Variants in ZNF385D observed in about 807,000 individuals in gnomAD.
ZNF385D encodes the protein zinc finger protein 659.
In ZNF385D, 15 loss-of-function variants were observed where a neutral mutation model predicts 35.8. The ratio of observed to expected loss-of-function variants is 0.42; its 90% CI spans 0.28 to 0.64. The LOEUF is 0.64. Ranked by LOEUF, ZNF385D falls within the 30% of genes least tolerant of loss-of-function variation. The pLI, the probability that ZNF385D is intolerant of heterozygous loss-of-function variation, is 0.23. For missense variants in ZNF385D, 474 were observed against 494.6 expected (o/e 0.96, Z 0.39); for synonymous variants, 212 against 186.8 (o/e 1.13, Z -1.10).
intron 3 of ZNF385D, among the ~76,000 whole-genome samples, chr3:22,153,464 C>CTT (rs769926281): frequency 0.06 from 6,528 of 109,362 alleles, 227 homozygotes; most frequent in Non-Finnish European, 0.081. Flanking sequence ...TGAAATTCTT[C>CTT]TTTTTTTTTT....
chr3:22,000,830 G>T (rs185177282), intron 3 of ZNF385D, among the ~76,000 whole-genome samples: 23 of 150,608 alleles, frequency 1.5e-4, no homozygotes, highest in African/African-American at 5.3e-4. Flanking sequence ...TTAAAAATGA[G>T]TCTTTCCCAG....
intron 2 of ZNF385D, among the ~76,000 whole-genome samples, chr3:22,263,969 A>C (rs1372187111): frequency 1.3e-5 from 2 of 152,016 alleles, no homozygotes; most frequent in Admixed American, 6.6e-5. Flanking sequence ...GAATATTCCT[A>C]AACAGAAATC....
chr3:21,964,297 T>C (rs981269192), intron 3 of ZNF385D, among the ~76,000 whole-genome samples: 2 of 149,668 alleles, frequency 1.3e-5, no homozygotes, highest in South Asian at 2.1e-4. Flanking sequence ...TGAAAAACTA[T>C]AGATATTTTT....
chr3:21,750,576 C>A (rs956366369), intron 1 of ZNF385D, among the ~76,000 whole-genome samples: 2 of 152,168 alleles, frequency 1.3e-5, no homozygotes, highest in Non-Finnish European at 2.9e-5. Flanking sequence ...TGACTTCCCA[C>A]GCTGCACTAT....
At chr3:21,492,394 A>T (rs942720789) in intron 4 of ZNF385D, among the ~76,000 whole-genome samples, 1 of 151,862 alleles carries the variant, frequency 6.6e-6, no homozygotes, top group South Asian at 2.1e-4. Context: ...ATAAACAAAC[A>T]AAAACAAACA....
chr3:21,504,833 A>G (rs1379989674), intron 4 of ZNF385D, among the ~76,000 whole-genome samples: 1 of 152,174 alleles, frequency 6.6e-6, no homozygotes, highest in Non-Finnish European at 1.5e-5. Flanking sequence ...GCACAGAGGT[A>G]CATTAAAGAT....
chr3:21,728,886 C>T (rs531552110), intron 1 of ZNF385D, among the ~76,000 whole-genome samples: 64 of 152,144 alleles, frequency 4.2e-4, no homozygotes, highest in Non-Finnish European at 5.3e-4. Context: ...TAATAACTGG[C>T]GCTTCCTAAG....
At chr3:22,348,485 T>TAAAAAAAAAAAAAAAAAAAA (rs1168729541) in intron 2 of ZNF385D, among the ~76,000 whole-genome samples, 17 of 84,872 alleles carry the variant, frequency 2.0e-4, no homozygotes, top group East Asian at 1.4e-3. Flanking sequence ...CCATCTCTAC[T>TAAAAAAAAAAAAAAAAAAAA]AAAAAAAAAA....
At chr3:21,424,125 A>G in intron 6 of ZNF385D, 61 bp from the exon 7 acceptor site, 1 of 1,428,770 alleles carries the variant, frequency 7.0e-7, no homozygotes, top group Non-Finnish European at 9.5e-7. Flanking sequence ...CCTCTCACAA[A>G]TATTGCTTTA....
chr3:22,134,749 G>T (rs1316710637), intron 3 of ZNF385D, among the ~76,000 whole-genome samples: 1 of 152,108 alleles, frequency 6.6e-6, no homozygotes, highest in Non-Finnish European at 1.5e-5. Flanking sequence ...TCCATAGCTG[G>T]CAAGGGCCTC....
At chr3:21,814,628 G>A (rs2073070336) in intron 3 of ZNF385D, among the ~76,000 whole-genome samples, 2 of 152,154 alleles carry the variant, frequency 1.3e-5, no homozygotes, top group Non-Finnish European at 2.9e-5. Flanking sequence ...AACAAGAAGA[G>A]CTAACTATCC....
chr3:21,845,280 GA>G (rs1695934912), intron 3 of ZNF385D, among the ~76,000 whole-genome samples: 1 of 151,904 alleles, frequency 6.6e-6, no homozygotes, highest in Non-Finnish European at 1.5e-5. Flanking sequence ...TTGCCTGGAG[GA>G]AACTGCATAA....
intron 2 of ZNF385D, among the ~76,000 whole-genome samples, chr3:21,615,928 AC>A (rs1321911746): frequency 1.3e-5 from 2 of 152,080 alleles, no homozygotes; most frequent in Non-Finnish European, 2.9e-5. Context: ...GGTTTTATTT[AC>A]CTAGGATGGG....
chr3:21,589,189 A>T (rs2063899075), intron 2 of ZNF385D, among the ~76,000 whole-genome samples: 1 of 152,190 alleles, frequency 6.6e-6, no homozygotes, highest in Non-Finnish European at 1.5e-5. Context: ...CACTGAAAAA[A>T]ATGACTTTAG....
At chr3:21,964,418 AAAAAAAAAAAAAAAG>A (rs1422848133) in intron 3 of ZNF385D, among the ~76,000 whole-genome samples, 10 of 96,754 alleles carry the variant, frequency 1.0e-4, no homozygotes, top group South Asian at 7.8e-4. Flanking sequence ...TTTGTAAAAA[AAAAAAAAAAAAAAAG>A]AAAAAAAAAA....
chr3:21,914,476 T>C (rs1032778867), intron 3 of ZNF385D, among the ~76,000 whole-genome samples: 3 of 151,784 alleles, frequency 2.0e-5, no homozygotes, highest in Non-Finnish European at 2.9e-5. Flanking sequence ...ATTGTGTTCC[T>C]ACCAAAAGAT....
At chr3:22,262,965 C>T (rs757732732) in intron 2 of ZNF385D, among the ~76,000 whole-genome samples, 79 of 152,034 alleles carry the variant, frequency 5.2e-4, no homozygotes, top group Admixed American at 1.9e-3. Flanking sequence ...TGATATCCAA[C>T]GTCCAGTCTT....
chr3:21,626,218 C>A (rs1185955906), intron 2 of ZNF385D, among the ~76,000 whole-genome samples: 1 of 152,008 alleles, frequency 6.6e-6, no homozygotes, highest in Non-Finnish European at 1.5e-5. Context: ...GGTTGTAGAA[C>A]AAACCCACAC....
intron 2 of ZNF385D, among the ~76,000 whole-genome samples, chr3:22,286,570 C>T (rs191254603): frequency 3.2e-4 from 48 of 152,160 alleles, no homozygotes; most frequent in Non-Finnish European, 4.3e-4. Context: ...CTGTTTTTGA[C>T]GCATTGCATA....
Sources: allele counts gnomAD v4.1 joint callset (sites outside exome capture counted in the v4.1 genomes callset), GRCh38; gene constraint gnomAD v4.1.1; transcripts MANE v1.5; gene names NCBI Gene and HGNC (gene_info 2026-07-23, HGNC 2026-07-21).